The following PAK2 variants were observed in gnomAD, a reference collection of about 807,000 sequenced individuals.
PAK2 encodes p21 (RAC1) activated kinase 2.
PAK2 carries 21 observed loss-of-function variants against 65.9 expected under a neutral mutation model. The observed-to-expected ratio is 0.32, with a 90% CI of 0.23 to 0.46. PAK2 has a LOEUF of 0.46. Among genes scored for constraint, PAK2 ranks in the 20% least tolerant of loss-of-function variants. The pLI, the probability that PAK2 is intolerant of heterozygous loss-of-function variation, is 1.00. For missense variants in PAK2, 324 were observed against 642.6 expected (o/e 0.50, Z 5.36); for synonymous variants, 204 against 219.7 (o/e 0.93, Z 0.63).
intron 5 of PAK2, among the ~76,000 whole-genome samples, 168 bp from the exon 6 acceptor site, chr3:196,806,408 CTTA>C (rs1179737603): frequency 6.6e-6 from 1 of 152,170 alleles, no homozygotes; most frequent in East Asian, 1.9e-4. Flanking sequence ...ATAGAATCGC[CTTA>C]TTATGTTAGA....
intron 2 of PAK2, among the ~76,000 whole-genome samples, chr3:196,784,376 C>A (rs6808168): frequency 2.1e-5 from 2 of 94,484 alleles, no homozygotes; most frequent in African/African-American, 4.2e-5. Flanking sequence ...TCCCTCCCCC[C>A]TCCCCCCACC....
At chr3:196,802,545 A>C (rs1214083499) in intron 3 of PAK2, among the ~76,000 whole-genome samples, 1 of 151,364 alleles carries the variant, frequency 6.6e-6, no homozygotes, top group Non-Finnish European at 1.5e-5. Context: ...AAACAGACTT[A>C]GAAAAAATAG....
At chr3:196,758,229 G>A (rs1004792138) in intron 1 of PAK2, among the ~76,000 whole-genome samples, 1 of 152,238 alleles carries the variant, frequency 6.6e-6, no homozygotes, top group Non-Finnish European at 1.5e-5. Context: ...GACATTAAAA[G>A]AAGAAATCCA....
chr3:196,802,047 G>T lies in PAK2; in HGVS notation c.288+20G>T. On this transcript the variant is annotated intron_variant, in intron 3 of 14. Transcript: ENST00000327134. Reference sequence around the variant, plus strand: ...TTCACTGTAAGTTAACCTAGTTCGGGCCCATTTATAACGTTTAAAATAGCA... The same window carrying T: ...TTCACTGTAAGTTAACCTAGTTCGGTCCCATTTATAACGTTTAAAATAGCA... The T allele has an allele frequency of 3.2e-6, 4 of 1,246,088 alleles. No individual in the cohort carries two copies. The highest frequency in any genetic ancestry group is 4.7e-6 in the Non-Finnish European group (4 of 848,364). 77.2% of individuals were successfully genotyped at this position (1,246,088 alleles called of 1,614,324 possible).
At chr3:196,765,218 G>A (rs1276081011) in intron 1 of PAK2, among the ~76,000 whole-genome samples, 2 of 144,092 alleles carry the variant, frequency 1.4e-5, no homozygotes, top group Non-Finnish European at 3.0e-5. Flanking sequence ...CGTGATCTCA[G>A]CTCACTGCAA....
At chr3:196,768,205 T>C (rs911428372) in intron 1 of PAK2, among the ~76,000 whole-genome samples, 2 of 152,112 alleles carry the variant, frequency 1.3e-5, no homozygotes, top group Non-Finnish European at 2.9e-5. Context: ...ATACCTGTGG[T>C]CCCTGCTCAT....
rs374071259 is a variant in PAK2, at chr3:196,820,493, A to G, written c.1276A>G (p.Ile426Val). Residue 426 changes from isoleucine (I) to valine (V), a missense_variant, in exon 13 of 15, where the codon ATA (isoleucine) becomes GTA (valine). Physicochemically the swap from Ile to Val is conservative, Grantham distance 29. Coordinates refer to ENST00000327134, the MANE Select transcript of PAK2 (RefSeq NM_002577.4). This position sits in a 1 kb window ranked among gnomAD's most constrained non-coding sequence, Gnocchi z 4.6. ...TRKAYGPKVD[I>V]WSLGIMAIEM... ...GAAAGCTTATGGCCCTAAAGTCGAC[A>G]TATGGTCTCTGGGTATCATGGCTAT... 9.9e-6 allele frequency: 16 copies of G among 1,612,920 alleles called. No individual in the cohort carries two copies. Among genetic ancestry groups the G allele is most frequent in the East Asian group, 2.2e-5 (1 of 44,858 alleles).
intron 12 of PAK2, among the ~76,000 whole-genome samples, chr3:196,818,974 CCTAA>C (rs1188817396): frequency 3.3e-5 from 5 of 152,082 alleles, no homozygotes; most frequent in Admixed American, 6.6e-5. Context: ...TATTGTTTGA[CCTAA>C]CTGTTACTCT....
In PAK2 at chr3:196,831,965, G is replaced by A. The variant is rs1712104269; in HGVS notation, c.*3560G>A. On this transcript the variant is annotated 3_prime_UTR_variant, in exon 15 of 15. Coordinates refer to ENST00000327134, the MANE Select transcript of PAK2 (RefSeq NM_002577.4). ...AACTGGTAAAATCAGTTTTTTGATA[G>A]TGTGTGTATATAAGAAAAAATAGAT... 6.6e-6 allele frequency: 1 copy of A among 152,268 alleles called. No individual in the cohort carries two copies. Among genetic ancestry groups the A allele is most frequent in the East Asian group, 1.9e-4 (1 of 5,184 alleles). The allele number at this position is 152,268 out of a possible 1,614,324, so 9.4% of individuals were successfully genotyped here.
chr3:196,817,960 G>A, intron 11 of PAK2, 97 bp from the exon 12 acceptor site: 1 of 529,212 alleles, frequency 1.9e-6, no homozygotes, highest in Non-Finnish European at 3.5e-6. Flanking sequence ...GTCTTCTGCT[G>A]GGCACTGGAA....
chr3:196,753,645 A>AT (rs1713681884), intron 1 of PAK2, among the ~76,000 whole-genome samples: 6 of 152,268 alleles, frequency 3.9e-5, no homozygotes, highest in Admixed American at 3.3e-4. Context: ...TTCAGCTAGT[A>AT]TTTTCACTAG....
chr3:196,822,103 G>A (rs941420075), intron 13 of PAK2, among the ~76,000 whole-genome samples: 7 of 152,266 alleles, frequency 4.6e-5, no homozygotes, highest in East Asian at 1.9e-4. Flanking sequence ...TATGTGGGCC[G>A]TTAAAGTACT....
intron 1 of PAK2, among the ~76,000 whole-genome samples, chr3:196,759,427 A>C (rs908008029): frequency 2.0e-5 from 3 of 148,762 alleles, no homozygotes; most frequent in African/African-American, 7.5e-5. Context: ...AATTCCTTAA[A>C]TTTTAAAAAA....
At chr3:196,790,315 C>T (rs1296216931) in intron 2 of PAK2, among the ~76,000 whole-genome samples, 3 of 152,176 alleles carry the variant, frequency 2.0e-5, no homozygotes, top group Non-Finnish European at 2.9e-5. Flanking sequence ...CTCAGGGTCT[C>T]TGCCTCTTGG....
At chr3:196,812,048 CT>C (rs1271792210) in intron 8 of PAK2, among the ~76,000 whole-genome samples, 170 bp from the exon 9 acceptor site, 1 of 152,004 alleles carries the variant, frequency 6.6e-6, no homozygotes, top group African/African-American at 2.4e-5. Context: ...AGGATTGTCT[CT>C]TTCTTCCCCC....
chr3:196,748,223 GT>G (rs1210394614), intron 1 of PAK2, among the ~76,000 whole-genome samples: 1 of 152,080 alleles, frequency 6.6e-6, no homozygotes, highest in African/African-American at 2.4e-5. Context: ...AAGGTACAGA[GT>G]TCCCATATAC....
rs1713136352 is a variant in PAK2, at chr3:196,740,119, G to C, written c.-60G>C. The C allele has an allele frequency of 6.6e-6, 1 of 151,792 alleles. No individual in the cohort carries two copies. Among genetic ancestry groups the C allele is most frequent in the African/African-American group, 2.4e-5 (1 of 41,362 alleles). 9.4% of individuals were successfully genotyped at this position (151,792 alleles called of 1,614,324 possible). A position where few individuals can be genotyped will look rare whatever the true frequency, so the allele number is the denominator to read the frequency against. ...CCGCAGCCCGCCGGGAGCTCTGACCGAGGCGCCTCGCTGGGGCGGGGACCT... is the reference window on the plus strand; with the variant it reads ...CCGCAGCCCGCCGGGAGCTCTGACCCAGGCGCCTCGCTGGGGCGGGGACCT... On this transcript the variant is annotated 5_prime_UTR_variant, in exon 1 of 15. Transcript: ENST00000327134.
chr3:196,751,741 CTTTTTTT>C (rs200558658), intron 1 of PAK2, among the ~76,000 whole-genome samples: 4 of 79,304 alleles, frequency 5.0e-5, no homozygotes, highest in East Asian at 3.0e-4. Flanking sequence ...AAATGAATTT[CTTTTTTT>C]TTTTTTTTTT....
At chr3:196,773,141 G>A (rs1227404334) in intron 1 of PAK2, among the ~76,000 whole-genome samples, 2 of 152,132 alleles carry the variant, frequency 1.3e-5, no homozygotes, top group Non-Finnish European at 2.9e-5. Flanking sequence ...TAAACAGTGG[G>A]CCTCTTAGAA....
Sources: gnomAD v4.1 joint callset for allele counts (sites outside exome capture counted in the v4.1 genomes callset) on GRCh38, gnomAD v4.1.1 for gene constraint, Gnocchi (gnomAD v3.1) non-coding constraint, MANE v1.5 for transcripts, NCBI Gene and HGNC (gene_info 2026-07-23, HGNC 2026-07-21) for gene names.